MELTF: variants seen among roughly 807,000 people sequenced by gnomAD.
The protein encoded by MELTF is antigen p97 (melanoma associated) identified by monoclonal antibodies 133.2 and 96.5.
A neutral mutation model predicts 83.7 loss-of-function variants in MELTF; 67 were observed. The ratio of observed to expected loss-of-function variants is 0.80; its 90% confidence interval spans 0.66 to 0.98. The LOEUF is 0.98. MELTF is among the 50% of genes least tolerant of loss of function. The pLI is 0.00. For synonymous variants in MELTF, 462 were observed against 447.6 expected (o/e 1.03, Z -0.41); for missense variants, 1,002 against 1,035.6 (o/e 0.97, Z 0.44).
intron 5 of MELTF, 118 bp from the exon 6 acceptor site, chr3:197,021,589 T>TG: frequency 1.1e-6 from 1 of 899,014 alleles, no homozygotes; most frequent in Non-Finnish European, 1.7e-6. Context: ...GCTTTCCAGT[T>TG]GTGTGGTCTG....
intron 14 of MELTF, 38 bp from the exon 15 acceptor site, chr3:197,004,137 G>C (rs1385908454): frequency 6.2e-7 from 1 of 1,603,962 alleles, no homozygotes. Context: ...CTCCTCACTG[G>C]GCTCAGGCAG....
rs1243960582 is a variant in MELTF at position 197,022,746 on chromosome 3, G to T, written c.644+211C>A. Among the ~76,000 whole-genome samples the T allele has an allele frequency of 6.6e-6, 1 of 152,176 alleles. No homozygotes were observed. Among genetic ancestry groups the T allele is most frequent in the Non-Finnish European group, 1.5e-5 (1 of 68,032 alleles). On this transcript the variant is annotated intron_variant, in intron 5 of 15. Transcript: ENST00000296350. The surrounding 1 kb of genome is among the most constrained non-coding windows in gnomAD (Gnocchi z 5.1). ...CCTCACTAAATATACCAAACACGTT[G>T]ATTTCATGAGCAAATCCGGTTTGGC...
chr3:197,027,840 G>A lies in MELTF; in HGVS notation c.120C>T (p.Ser40=), dbSNP rs779074683. 1.2e-6 allele frequency: 2 copies of A among 1,611,300 alleles called. No homozygotes were observed. Among genetic ancestry groups the A allele is most frequent in the Non-Finnish European group, 1.7e-6 (2 of 1,179,262 alleles). ...GGATGCCCGCTTCCCGGAAGGCCTC[G>A]CTCATGTTGCCGCACTTGTGCTGCT... ...DPEQHKCGNM[S]EAFREAGIQP... The change falls in exon 2 of 16, where the codon AGC becomes AGT. Residue 40 remains serine (S), a synonymous_variant. Transcript: ENST00000296350.
At chr3:197,023,178 G>A (rs1476921492) in intron 4 of MELTF, 65 bp from the exon 5 acceptor site, 4 of 1,513,458 alleles carry the variant, frequency 2.6e-6, no homozygotes, top group Non-Finnish European at 1.8e-6. Flanking sequence ...AAGCCCCCAG[G>A]GTCAGCAGGG....
At chr3:197,019,311 C>T (rs572257747) in intron 6 of MELTF, 10 of 1,079,736 alleles carry the variant, frequency 9.3e-6, no homozygotes, top group Non-Finnish European at 1.1e-5. Flanking sequence ...CCCGCTTCTC[C>T]TCAGCCAAGA....
At position 197,029,390 on chromosome 3, in the gene MELTF, C is replaced by T. The variant is rs1719994576; in HGVS notation, c.49+264G>A. On this transcript the variant is annotated intron_variant, in intron 1 of 15. Transcript: ENST00000296350. This position sits in a 1 kb window ranked among gnomAD's most constrained non-coding sequence, Gnocchi z 6.5. ...TCCACACCCCGAGGCCTCCCCACCA[C>T]GCCTCAGCCCGCGCTTCTCCTTGGA... 5.4e-6 allele frequency: 2 copies of T among 373,750 alleles called. No homozygotes were observed. Among genetic ancestry groups the T allele is most frequent in the Non-Finnish European group, 4.7e-6 (1 of 210,614 alleles). 23.2% of individuals were successfully genotyped at this position (373,750 alleles called of 1,614,324 possible). A position where few individuals can be genotyped will look rare whatever the true frequency, so the allele number is the denominator to read the frequency against.
intron 1 of MELTF, 98 bp from the exon 2 acceptor site, chr3:197,028,008 C>A: frequency 7.2e-7 from 1 of 1,384,810 alleles, no homozygotes; most frequent in South Asian, 1.4e-5. Context: ...GCCCATTCGC[C>A]TGGACAGCCA....
At position 197,024,547 on chromosome 3, in the gene MELTF, C is replaced by G. The variant is rs1049420682; in HGVS notation, c.305-62G>C. On this transcript the variant is annotated intron_variant, in intron 3 of 15. Transcript: ENST00000296350. This position sits in a 1 kb window ranked among gnomAD's most constrained non-coding sequence, Gnocchi z 5.3. ...GAGGCCTCGAGAGAGGCTGCACCAGCACCCTGCCTGGGCGGGCTGTGGGAG... is the reference window on the plus strand; with the variant it reads ...GAGGCCTCGAGAGAGGCTGCACCAGGACCCTGCCTGGGCGGGCTGTGGGAG... 6.2e-6 allele frequency: 9 copies of G among 1,458,388 alleles called. No individual in the cohort carries two copies. Among genetic ancestry groups the G allele is most frequent in the African/African-American group, 5.6e-5 (4 of 70,806 alleles). The allele number at this position is 1,458,388 out of a possible 1,614,324, so 90.3% of individuals were successfully genotyped here.
intron 2 of MELTF, 146 bp downstream of exon 2, chr3:197,027,610 G>T: frequency 1.9e-6 from 2 of 1,077,586 alleles, no homozygotes; most frequent in Non-Finnish European, 2.6e-6. Flanking sequence ...AGGCAAGCTG[G>T]CCTCGTGGCC....
intron 4 of MELTF, among the ~76,000 whole-genome samples, chr3:197,023,549 G>A (rs957278709): frequency 1.3e-5 from 2 of 152,192 alleles, no homozygotes; most frequent in East Asian, 1.9e-4. Context: ...CCAGCCTCAC[G>A]GGGGACGAGG....
chr3:197,018,963 C>T (rs1387593790), intron 6 of MELTF: 2 of 985,106 alleles, frequency 2.0e-6, no homozygotes, highest in Non-Finnish European at 2.4e-6. Context: ...TCCCACATAA[C>T]AATATTTTTA....
chr3:197,008,521 C>G lies in MELTF; in HGVS notation c.1750+136G>C. On this transcript the variant is annotated intron_variant, in intron 13 of 15. Transcript: ENST00000296350. The surrounding 1 kb of genome is among the most constrained non-coding windows in gnomAD (Gnocchi z 5.4). ...TGTGACCCTTGGGGCTCCCAGCTTC[C>G]CAGGGGGCACAGCCTTCTAGACTCA... The G allele has an allele frequency of 1.0e-6, 1 of 976,998 alleles. No homozygotes were observed. The highest frequency in any genetic ancestry group is 1.6e-5 in the South Asian group (1 of 60,690). The allele number at this position is 976,998 out of a possible 1,614,324, so 60.5% of individuals were successfully genotyped here.
In MELTF at chr3:197,024,033, T is replaced by C. The variant is rs1462233332; in HGVS notation, c.487+270A>G. On this transcript the variant is annotated intron_variant, in intron 4 of 15. Coordinates refer to ENST00000296350, the MANE Select transcript of MELTF (RefSeq NM_005929.6). The surrounding 1 kb of genome is among the most constrained non-coding windows in gnomAD (Gnocchi z 5.3). Reference sequence around the variant, plus strand: ...GATTCACTGCTTCCCACTCATGGGCTGGGCCTGTGCCTGGCTGTGCCATGT... The same window carrying C: ...GATTCACTGCTTCCCACTCATGGGCCGGGCCTGTGCCTGGCTGTGCCATGT... 1.6e-6 allele frequency: 1 copy of C among 641,212 alleles called. No individual in the cohort carries two copies. The highest frequency in any genetic ancestry group is 1.8e-5 in the African/African-American group (1 of 56,096). The allele number at this position is 641,212 out of a possible 1,614,324, so 39.7% of individuals were successfully genotyped here. A position where few individuals can be genotyped will look rare whatever the true frequency, so the allele number is the denominator to read the frequency against.
Position 197,022,241 on chromosome 3 carries a change from G to A in MELTF, c.644+716C>T, listed in dbSNP as rs1170613135. Among the ~76,000 whole-genome samples the A allele has an allele frequency of 2.0e-5, 3 of 152,166 alleles. No individual in the cohort carries two copies. Among genetic ancestry groups the A allele is most frequent in the Non-Finnish European group, 4.4e-5 (3 of 68,034 alleles). On this transcript the variant is annotated intron_variant, in intron 5 of 15. Coordinates refer to ENST00000296350, the MANE Select transcript of MELTF (RefSeq NM_005929.6). This position sits in a 1 kb window ranked among gnomAD's most constrained non-coding sequence, Gnocchi z 5.1. ...TGCACAGGGATTAGAGCAGATCGGG[G>A]CGGGCGACATCAGGAGAGGGCTCTG...
intron 3 of MELTF, chr3:197,026,292 G>C (rs1467534337): frequency 3.8e-5 from 8 of 211,256 alleles, no homozygotes; most frequent in African/African-American, 1.8e-4. Flanking sequence ...GCTTCTGAAG[G>C]GAGGCCCTGA....
At chr3:197,021,012 T>C (rs1292754787) in intron 6 of MELTF, among the ~76,000 whole-genome samples, 1 of 152,106 alleles carries the variant, frequency 6.6e-6, no homozygotes, top group Non-Finnish European at 1.5e-5. Flanking sequence ...GAGGGACAAA[T>C]TCTCCAGGCA....
intron 1 of MELTF, chr3:197,028,670 C>G (rs1719959877): frequency 6.6e-6 from 1 of 152,508 alleles, no homozygotes; most frequent in Non-Finnish European, 1.5e-5. Context: ...TCAGAGTCCC[C>G]GAGAGCTCCC....
At chr3:197,018,170 C>T (rs756537496) in intron 6 of MELTF, among the ~76,000 whole-genome samples, 7 of 151,642 alleles carry the variant, frequency 4.6e-5, no homozygotes, top group South Asian at 2.1e-4. Context: ...CTTTTTGAGA[C>T]GGAGTCTGGC....
chr3:197,021,372 C>A (rs1719615672), intron 6 of MELTF, 32 bp downstream of exon 6: 2 of 1,612,110 alleles, frequency 1.2e-6, no homozygotes, highest in Non-Finnish European at 1.7e-6. Context: ...TGACTCCCTG[C>A]TCCTCTGGGC....
Sources: gnomAD v4.1 joint callset for allele counts (sites outside exome capture counted in the v4.1 genomes callset) on GRCh38, gnomAD v4.1.1 for gene constraint, Gnocchi (gnomAD v3.1) non-coding constraint, MANE v1.5 for transcripts, NCBI Gene and HGNC (gene_info 2026-07-23, HGNC 2026-07-21) for gene names.